Variants in NEDD4L observed in about 807,000 individuals in gnomAD.
NEDD4L encodes the protein NEDD4 like E3 ubiquitin protein ligase.
Under a neutral mutation model 148.9 loss-of-function variants are expected in NEDD4L, and 54 were observed. The observed-to-expected ratio is 0.36, with a 90% CI of 0.29 to 0.45. The LOEUF is 0.45. Among genes scored for constraint, NEDD4L ranks in the 20% least tolerant of loss-of-function variants. The pLI, the probability that NEDD4L is intolerant of heterozygous loss-of-function variation, is 1.00. For missense variants in NEDD4L, 856 were observed against 1,233.8 expected (o/e 0.69, Z 4.59); for synonymous variants, 433 against 440.7 (o/e 0.98, Z 0.22).
At chr18:58,260,957 G>A (rs2049286148) in intron 5 of NEDD4L, among the ~76,000 whole-genome samples, 1 of 152,178 alleles carries the variant, frequency 6.6e-6, no homozygotes, top group African/African-American at 2.4e-5. Flanking sequence ...TAGGTTCATA[G>A]TTAGGTTTAA....
intron 25 of NEDD4L, among the ~76,000 whole-genome samples, chr18:58,384,317 T>G (rs910278244): frequency 6.6e-6 from 1 of 152,238 alleles, no homozygotes; most frequent in Admixed American, 6.5e-5. Flanking sequence ...CGGACTCTTT[T>G]CACTCTCAAG....
chr18:58,191,893 A>G (rs1314971917), intron 2 of NEDD4L, among the ~76,000 whole-genome samples: 1 of 152,160 alleles, frequency 6.6e-6, no homozygotes, highest in East Asian at 1.9e-4. Context: ...CTTGATAAAA[A>G]CTTGCTTAAT....
intron 5 of NEDD4L, among the ~76,000 whole-genome samples, chr18:58,261,855 T>C (rs527778462): frequency 6.6e-6 from 1 of 152,354 alleles, no homozygotes; most frequent in Non-Finnish European, 1.5e-5. Flanking sequence ...GTTTTTACCT[T>C]TTTAACTCTT....
intron 1 of NEDD4L, among the ~76,000 whole-genome samples, chr18:58,148,003 A>C (rs1365406940): frequency 6.6e-6 from 1 of 151,634 alleles, no homozygotes; most frequent in East Asian, 1.9e-4. Flanking sequence ...CCATGTGCCC[A>C]GGGGAAGGAC....
chr18:58,070,119 C>A (rs2082791174), intron 1 of NEDD4L, among the ~76,000 whole-genome samples: 1 of 152,210 alleles, frequency 6.6e-6, no homozygotes, highest in South Asian at 2.1e-4. Flanking sequence ...CAACACAGGT[C>A]AGCTCACATT....
intron 19 of NEDD4L, among the ~76,000 whole-genome samples, chr18:58,361,886 TA>T (rs33923139): frequency 0.36 from 53,641 of 147,898 alleles, 10,486 homozygotes; most frequent in African/African-American, 0.53. Context: ...GTCCAATAAT[TA>T]AAAAAAAAAA....
chr18:58,122,392 C>T (rs2030110738), intron 1 of NEDD4L, among the ~76,000 whole-genome samples: 1 of 152,136 alleles, frequency 6.6e-6, no homozygotes, highest in Non-Finnish European at 1.5e-5. Context: ...TCCAGCTACT[C>T]AGGAGGCTGA....
rs539937163 is a variant in NEDD4L at position 58,358,223 on chromosome 18, C to T, written c.1767+971C>T. On this transcript the variant is annotated intron_variant, in intron 19 of 30. Coordinates refer to ENST00000400345, the MANE Select transcript of NEDD4L (RefSeq NM_001144967.3). ...AAGATACTACATTGCAAATGTGCCC[C>T]GGTAACTGACTCCTGTTAGTTACTT... 5.9e-5 allele frequency among the ~76,000 whole-genome samples: 9 copies of T among 152,294 alleles called. No individual in the cohort carries two copies. The South Asian group carries it at 1.2e-3, about 21-fold the overall frequency.
At chr18:58,072,249 C>T (rs1202507741) in intron 1 of NEDD4L, among the ~76,000 whole-genome samples, 1 of 151,962 alleles carries the variant, frequency 6.6e-6, no homozygotes, top group Admixed American at 6.6e-5. Flanking sequence ...AACCTGATAC[C>T]AAACTAAAGA....
At chr18:58,093,812 A>G (rs1236846586) in intron 1 of NEDD4L, among the ~76,000 whole-genome samples, 2 of 152,228 alleles carry the variant, frequency 1.3e-5, no homozygotes, top group Non-Finnish European at 2.9e-5. Flanking sequence ...CAGAAGAATG[A>G]TATAGAACAT....
At position 58,400,289 on chromosome 18, in the gene NEDD4L, A is replaced by G. The variant is rs1446920428; in HGVS notation, c.*4020A>G. ...GTACATCCTGATAAGTCGTGTCAGA[A>G]CTGCCAATTTCAGGACTGAGATGTG... On this transcript the variant is annotated 3_prime_UTR_variant, in exon 31 of 31. Transcript: ENST00000400345. 2 of 152,236 alleles carry G rather than the reference A, an allele frequency of 1.3e-5. No homozygotes were observed. Among genetic ancestry groups the G allele is most frequent in the Admixed American group, 6.5e-5 (1 of 15,288 alleles). The allele number at this position is 152,236 out of a possible 1,614,324, so 9.4% of individuals were successfully genotyped here.
At chr18:58,204,703 T>C (rs1364801861) in intron 2 of NEDD4L, among the ~76,000 whole-genome samples, 3 of 152,216 alleles carry the variant, frequency 2.0e-5, no homozygotes, top group Non-Finnish European at 4.4e-5. Context: ...TTTAGTCTTA[T>C]AAAAATAAGT....
At chr18:58,125,261 G>A (rs889996800) in intron 1 of NEDD4L, among the ~76,000 whole-genome samples, 26 of 152,136 alleles carry the variant, frequency 1.7e-4, no homozygotes, top group Non-Finnish European at 7.4e-5. Flanking sequence ...TTTGCTCACA[G>A]AAATTTCCTG....
At chr18:58,314,401 AG>A (rs2058043227) in intron 5 of NEDD4L, among the ~76,000 whole-genome samples, 1 of 146,972 alleles carries the variant, frequency 6.8e-6, no homozygotes, top group East Asian at 2.0e-4. Context: ...TGGGCGACAG[AG>A]CAAGAGACTC....
At chr18:58,375,340 C>A (rs1348866098) in intron 24 of NEDD4L, among the ~76,000 whole-genome samples, 2 of 152,116 alleles carry the variant, frequency 1.3e-5, no homozygotes, top group Non-Finnish European at 2.9e-5. Context: ...CTCCAGTGCC[C>A]TGTTCTCCAG....
At chr18:58,174,934 A>C (rs1050547545) in intron 2 of NEDD4L, among the ~76,000 whole-genome samples, 2 of 152,206 alleles carry the variant, frequency 1.3e-5, no homozygotes, top group African/African-American at 4.8e-5. Flanking sequence ...AACATTGTAC[A>C]AAGTAAATCT....
At position 58,281,922 on chromosome 18, in the gene NEDD4L, G is replaced by A. The variant is rs576336532; in HGVS notation, c.297+29868G>A. Among the ~76,000 whole-genome samples, 853 of 151,800 alleles carry A rather than the reference G, an allele frequency of 5.6e-3. 5 individuals carry two copies. Among genetic ancestry groups the A allele is most frequent in the African/African-American group, 0.018 (761 of 41,398 alleles). Reference sequence around the variant, plus strand: ...CACCTGTAGTCCCAGCTACTCGGGAGGCTGAGGCAGGAGAATGGCATGAAC... The same window carrying A: ...CACCTGTAGTCCCAGCTACTCGGGAAGCTGAGGCAGGAGAATGGCATGAAC... On this transcript the variant is annotated intron_variant, in intron 5 of 30. Coordinates refer to ENST00000400345, the MANE Select transcript of NEDD4L (RefSeq NM_001144967.3).
chr18:58,279,485 A>T (rs930970915), intron 5 of NEDD4L, among the ~76,000 whole-genome samples: 6 of 152,220 alleles, frequency 3.9e-5, no homozygotes, highest in Admixed American at 2.6e-4. Context: ...AGGCTTGGAA[A>T]TGAGAAAATC....
intron 3 of NEDD4L, among the ~76,000 whole-genome samples, chr18:58,248,635 C>T (rs1484203643): frequency 1.3e-5 from 2 of 152,124 alleles, no homozygotes; most frequent in South Asian, 2.1e-4. Flanking sequence ...TATATTTTCA[C>T]GATGACTCTT....
Sources: allele counts gnomAD v4.1 joint callset (sites outside exome capture counted in the v4.1 genomes callset), GRCh38; gene constraint gnomAD v4.1.1; transcripts MANE v1.5; gene names NCBI Gene and HGNC (gene_info 2026-07-23, HGNC 2026-07-21).